CDH12: variants seen among roughly 807,000 people sequenced by gnomAD.
The protein encoded by CDH12 is cadherin-12.
Under a neutral mutation model 74.1 loss-of-function variants are expected in CDH12, and 41 were observed. The ratio of observed to expected loss-of-function variants is 0.55; its 90% confidence interval spans 0.43 to 0.72. CDH12 has a LOEUF of 0.72. Among genes scored for constraint, CDH12 ranks in the 30% least tolerant of loss-of-function variants. The pLI is 0.00. For missense variants in CDH12, 945 were observed against 977.2 expected (o/e 0.97, Z 0.44); for synonymous variants, 399 against 355.0 (o/e 1.12, Z -1.39).
chr5:21,933,836 A>G (rs975290838), intron 6 of CDH12, among the ~76,000 whole-genome samples: 8 of 152,186 alleles, frequency 5.3e-5, no homozygotes, highest in Non-Finnish European at 1.0e-4. Context: ...GGGAGAATTC[A>G]TTACACATTT....
chr5:22,624,856 C>T (rs1738186594), intron 1 of CDH12, among the ~76,000 whole-genome samples: 1 of 152,176 alleles, frequency 6.6e-6, no homozygotes, highest in African/African-American at 2.4e-5. Flanking sequence ...AAGACACATG[C>T]ACACGTATGT....
chr5:21,937,153 G>A (rs973924655), intron 6 of CDH12, among the ~76,000 whole-genome samples: 1 of 152,186 alleles, frequency 6.6e-6, no homozygotes, highest in African/African-American at 2.4e-5. Flanking sequence ...AGGCAGTTCT[G>A]AGGGTTGTAA....
intron 6 of CDH12, among the ~76,000 whole-genome samples, chr5:21,873,880 T>C (rs2150022761): frequency 6.6e-6 from 1 of 152,334 alleles, no homozygotes; most frequent in East Asian, 1.9e-4. Context: ...ATGCGGTTAC[T>C]TTTCTGAGGA....
At chr5:22,333,175 A>T (rs564376128) in intron 3 of CDH12, among the ~76,000 whole-genome samples, 241 of 152,328 alleles carry the variant, frequency 1.6e-3, no homozygotes, top group African/African-American at 5.7e-3. Flanking sequence ...AGGGACATGG[A>T]TAAAGCTGGA....
chr5:22,234,859 T>C (rs1048530079), intron 3 of CDH12, among the ~76,000 whole-genome samples: 1 of 152,024 alleles, frequency 6.6e-6, no homozygotes, highest in Non-Finnish European at 1.5e-5. Context: ...TACAAACAAC[T>C]TAGAATACAA....
At chr5:22,434,428 T>G (rs944397932) in intron 2 of CDH12, among the ~76,000 whole-genome samples, 2 of 152,112 alleles carry the variant, frequency 1.3e-5, no homozygotes, top group Admixed American at 6.6e-5. Context: ...TGTCCAAATT[T>G]TCCCCATTTT....
chr5:22,075,400 A>G (rs1742243894), intron 5 of CDH12, among the ~76,000 whole-genome samples: 2 of 151,862 alleles, frequency 1.3e-5, no homozygotes, highest in Admixed American at 6.6e-5. Context: ...AACATGGCAC[A>G]TGTATACATC....
chr5:21,903,779 G>A (rs1753508174), intron 6 of CDH12, among the ~76,000 whole-genome samples: 2 of 152,036 alleles, frequency 1.3e-5, no homozygotes, highest in Non-Finnish European at 2.9e-5. Flanking sequence ...AAAAGATACA[G>A]TGAGAAAATC....
At chr5:21,989,570 C>G (rs1224714904) in intron 5 of CDH12, among the ~76,000 whole-genome samples, 1 of 152,036 alleles carries the variant, frequency 6.6e-6, no homozygotes, top group African/African-American at 2.4e-5. Context: ...CTCTGTACCC[C>G]CCATTGCCTC....
chr5:22,847,724 T>C (rs929703599), intron 1 of CDH12, among the ~76,000 whole-genome samples: 5 of 152,316 alleles, frequency 3.3e-5, no homozygotes, highest in African/African-American at 1.2e-4. Flanking sequence ...AAAAAAATAG[T>C]ATATCACTGG....
intron 3 of CDH12, among the ~76,000 whole-genome samples, chr5:22,397,585 T>C (rs951186910): frequency 9.9e-5 from 15 of 151,994 alleles, no homozygotes; most frequent in African/African-American, 3.6e-4. Flanking sequence ...TGTAACCTTA[T>C]AATGCAGTAG....
chr5:22,810,927 G>GTATACACA (rs1749105560), intron 1 of CDH12, among the ~76,000 whole-genome samples: 5 of 144,970 alleles, frequency 3.4e-5, no homozygotes, highest in African/African-American at 1.4e-4. Flanking sequence ...GTGTGTGTGT[G>GTATACACA]TGTATACACA....
At chr5:22,696,394 T>G (rs1197970212) in intron 1 of CDH12, among the ~76,000 whole-genome samples, 2 of 146,954 alleles carry the variant, frequency 1.4e-5, no homozygotes, top group Non-Finnish European at 3.0e-5. Flanking sequence ...AAAAAAAATT[T>G]TCTTTTATTT....
At chr5:22,264,933 G>A (rs778827669) in intron 3 of CDH12, among the ~76,000 whole-genome samples, 2 of 152,142 alleles carry the variant, frequency 1.3e-5, no homozygotes, top group Non-Finnish European at 2.9e-5. Flanking sequence ...GACATTCTTT[G>A]ACGTATAGAC....
At chr5:22,383,764 G>A (rs1741874027) in intron 3 of CDH12, among the ~76,000 whole-genome samples, 1 of 152,088 alleles carries the variant, frequency 6.6e-6, no homozygotes, top group Admixed American at 6.6e-5. Context: ...CTTTTCACGT[G>A]AACATGATTG....
At chr5:22,014,758 C>T (rs1304021048) in intron 5 of CDH12, among the ~76,000 whole-genome samples, 1 of 152,124 alleles carries the variant, frequency 6.6e-6, no homozygotes, top group Non-Finnish European at 1.5e-5. Flanking sequence ...GGCCTATCTG[C>T]CACCACTTAA....
At chr5:22,707,934 A>G (rs1333801792) in intron 1 of CDH12, among the ~76,000 whole-genome samples, 1 of 152,194 alleles carries the variant, frequency 6.6e-6, no homozygotes, top group Non-Finnish European at 1.5e-5. Context: ...TCTTTGAAAA[A>G]TAAGAGTTTT....
At chr5:22,236,275 A>C (rs2150378061) in intron 3 of CDH12, among the ~76,000 whole-genome samples, 1 of 152,228 alleles carries the variant, frequency 6.6e-6, no homozygotes, top group South Asian at 2.1e-4. Context: ...TTACTTTATA[A>C]ACTTTTTCAT....
intron 3 of CDH12, among the ~76,000 whole-genome samples, chr5:22,307,311 T>C (rs974596723): frequency 6.6e-6 from 1 of 152,196 alleles, no homozygotes; most frequent in Admixed American, 6.5e-5. Flanking sequence ...AAAAGAATTA[T>C]GATACTAAAT....
Sources: allele counts gnomAD v4.1 joint callset (sites outside exome capture counted in the v4.1 genomes callset), GRCh38; gene constraint gnomAD v4.1.1; transcripts MANE v1.5; gene names NCBI Gene and HGNC (gene_info 2026-07-23, HGNC 2026-07-21).